Variants in RBFOX1 observed in about 807,000 individuals in gnomAD.
RBFOX1 encodes RNA binding fox-1 homolog 1, also known as RNA binding protein fox-1 homolog 1.
A neutral mutation model predicts 57.7 loss-of-function variants in RBFOX1; 8 were observed. The ratio of observed to expected loss-of-function variants is 0.14; its 90% CI spans 0.08 to 0.25. The LOEUF (loss-of-function observed/expected upper bound fraction) is 0.25. RBFOX1 is among the 10% of genes least tolerant of loss of function. RBFOX1 has a pLI of 1.00. For synonymous variants in RBFOX1, 326 were observed against 222.4 expected (o/e 1.47, Z -4.15); for missense variants, 611 against 548.5 (o/e 1.11, Z -1.14).
intron 3 of RBFOX1, among the ~76,000 whole-genome samples, chr16:5,863,760 G>T (rs182041674): frequency 6.6e-6 from 1 of 152,146 alleles, no homozygotes; most frequent in African/African-American, 2.4e-5. Context: ...GCCACAAGCC[G>T]TACCACTCCC....
intron 4 of RBFOX1, chr16:7,509,981 C>A (rs1331870910): frequency 4.0e-5 from 4 of 101,036 alleles, no homozygotes; most frequent in Non-Finnish European, 5.7e-5. Flanking sequence ...TTTTTTTTTT[C>A]CCTTCCTCCT....
chr16:5,775,929 G>T (rs1445552962), intron 3 of RBFOX1, among the ~76,000 whole-genome samples: 1 of 152,166 alleles, frequency 6.6e-6, no homozygotes, highest in Non-Finnish European at 1.5e-5. Flanking sequence ...ACCTTGAGGT[G>T]CCCCTGTTCT....
chr16:7,326,383 G>A (rs2096611969), intron 4 of RBFOX1, among the ~76,000 whole-genome samples: 2 of 152,178 alleles, frequency 1.3e-5, no homozygotes, highest in South Asian at 4.2e-4. Flanking sequence ...TGGAAGGATG[G>A]GATGTATATA....
chr16:6,810,963 A>T (rs372148894), intron 3 of RBFOX1, among the ~76,000 whole-genome samples: 2 of 152,192 alleles, frequency 1.3e-5, no homozygotes, highest in African/African-American at 4.8e-5. Context: ...CGTAACAGAT[A>T]TTTCACTAAA....
chr16:7,183,510 T>G (rs2083138839), intron 4 of RBFOX1, among the ~76,000 whole-genome samples: 1 of 152,224 alleles, frequency 6.6e-6, no homozygotes, highest in South Asian at 2.1e-4. Context: ...AAGAGATGCT[T>G]TATCTATTTT....
intron 2 of RBFOX1, among the ~76,000 whole-genome samples, chr16:6,410,501 C>A (rs972371098): frequency 6.6e-6 from 1 of 151,688 alleles, no homozygotes; most frequent in African/African-American, 2.4e-5. Flanking sequence ...TTAGTAGAGA[C>A]GGGGTTTCAC....
At chr16:5,587,839 C>T (rs560021118) in intron 2 of RBFOX1, among the ~76,000 whole-genome samples, 235 of 152,296 alleles carry the variant, frequency 1.5e-3, no homozygotes, top group Middle Eastern at 3.4e-3. Context: ...TCGTATAAGC[C>T]AGAAATTCTA....
intron 2 of RBFOX1, among the ~76,000 whole-genome samples, chr16:6,476,305 A>G (rs554814511): frequency 6.6e-6 from 1 of 152,334 alleles, no homozygotes; most frequent in South Asian, 2.1e-4. Flanking sequence ...ACACTTTAAA[A>G]AAATAGTAAA....
At chr16:5,899,473 A>G (rs892974038) in intron 4 of RBFOX1, among the ~76,000 whole-genome samples, 1 of 152,166 alleles carries the variant, frequency 6.6e-6, no homozygotes, top group Non-Finnish European at 1.5e-5. Context: ...CCAAAGTAGC[A>G]TTTGAAATCA....
intron 4 of RBFOX1, among the ~76,000 whole-genome samples, chr16:7,275,922 C>T (rs1473010739): frequency 6.6e-6 from 1 of 152,152 alleles, no homozygotes; most frequent in African/African-American, 2.4e-5. Context: ...GCTGACTCCC[C>T]TTAGAAGTAA....
chr16:5,791,276 C>G (rs74006297), intron 3 of RBFOX1, among the ~76,000 whole-genome samples: 3,457 of 152,246 alleles, frequency 0.023, 132 homozygotes, highest in African/African-American at 0.077. Context: ...TTCTATCGCA[C>G]TAAAAAATGT....
intron 3 of RBFOX1, among the ~76,000 whole-genome samples, chr16:5,644,866 T>G (rs1450438663): frequency 6.6e-6 from 1 of 152,210 alleles, no homozygotes; most frequent in Non-Finnish European, 1.5e-5. Flanking sequence ...TGCGAGTTTT[T>G]GTCTGAATAC....
At chr16:5,645,729 A>T (rs1596568439) in intron 3 of RBFOX1, among the ~76,000 whole-genome samples, 1 of 152,314 alleles carries the variant, frequency 6.6e-6, no homozygotes, top group East Asian at 1.9e-4. Context: ...GCAGCGGTGC[A>T]ATCAGAGCTG....
chr16:6,986,293 C>G (rs536439581), intron 3 of RBFOX1, among the ~76,000 whole-genome samples: 1 of 151,912 alleles, frequency 6.6e-6, no homozygotes, highest in Non-Finnish European at 1.5e-5. Context: ...CTGTGCCTCC[C>G]GGGTTCAAGC....
chr16:7,134,053 A>G (rs1244217592), intron 4 of RBFOX1, among the ~76,000 whole-genome samples: 1 of 152,218 alleles, frequency 6.6e-6, no homozygotes, highest in East Asian at 1.9e-4. Flanking sequence ...CGTGGGCCTC[A>G]GTAATGGAGG....
At chr16:7,625,740 A>G (rs978639261) in intron 10 of RBFOX1, among the ~76,000 whole-genome samples, 3 of 152,160 alleles carry the variant, frequency 2.0e-5, no homozygotes, top group African/African-American at 4.8e-5. Flanking sequence ...TGCCCATTTG[A>G]TACTAAAAGG....
At chr16:6,081,320 G>A (rs1021014411) in intron 1 of RBFOX1, among the ~76,000 whole-genome samples, 1 of 152,126 alleles carries the variant, frequency 6.6e-6, no homozygotes, top group Admixed American at 6.5e-5. Flanking sequence ...GGCTGGGCTC[G>A]TCCCCTGGGT....
At chr16:6,394,775 G>C (rs1484350121) in intron 2 of RBFOX1, among the ~76,000 whole-genome samples, 1 of 152,040 alleles carries the variant, frequency 6.6e-6, no homozygotes, top group Non-Finnish European at 1.5e-5. Context: ...TACCAAAACA[G>C]CTCAGCCACG....
chr16:5,957,771 G>A (rs558402074), intron 4 of RBFOX1, among the ~76,000 whole-genome samples: 28 of 152,268 alleles, frequency 1.8e-4, no homozygotes, highest in African/African-American at 5.5e-4. Context: ...ATCATGGAGT[G>A]TGGGGGTCTC....
Sources: gnomAD v4.1 joint callset for allele counts (sites outside exome capture counted in the v4.1 genomes callset) on GRCh38, gnomAD v4.1.1 for gene constraint, MANE v1.5 for transcripts, NCBI Gene and HGNC (gene_info 2026-07-23, HGNC 2026-07-21) for gene names.